SLC71A2: variants seen among roughly 807,000 people sequenced by gnomAD.
SLC71A2 encodes hippocampus abundant transcript-like 1.
At chr9:94,411,082 T>C in the SLC71A2 span, among the ~76,000 whole-genome samples, 2 of 152,066 alleles carry the variant, frequency 1.3e-5, no homozygotes, top group African/African-American at 4.8e-5. Context: ...TCTTAGGATA[T>C]GGCAGGACAG....
At chr9:94,420,269 C>G in the SLC71A2 span, among the ~76,000 whole-genome samples, 1 of 152,274 alleles carries the variant, frequency 6.6e-6, no homozygotes, top group African/African-American at 2.4e-5. Flanking sequence ...CGTGTTTGCC[C>G]CATTAACTTG....
At chr9:94,430,616 A>T in the SLC71A2 span, among the ~76,000 whole-genome samples, 1 of 152,176 alleles carries the variant, frequency 6.6e-6, no homozygotes, top group Non-Finnish European at 1.5e-5. Flanking sequence ...CAGCACTTCT[A>T]CCTGTGATGT....
the SLC71A2 span, chr9:94,447,085 A>C: frequency 8.5e-3 from 4,554 of 537,666 alleles, 169 homozygotes; most frequent in African/African-American, 0.078. Flanking sequence ...ATAATTAGTA[A>C]ACAGGGCACC....
At chr9:94,385,318 T>C in the SLC71A2 span, among the ~76,000 whole-genome samples, 3 of 152,354 alleles carry the variant, frequency 2.0e-5, no homozygotes, top group East Asian at 1.9e-4. Flanking sequence ...AAATGCATAC[T>C]ATGAAGCTTT....
chr9:94,454,099 C>A, the SLC71A2 span: 7 of 1,488,974 alleles, frequency 4.7e-6, no homozygotes, highest in South Asian at 7.9e-5. Context: ...TTCTCGTGAA[C>A]TGCCAGACAG....
At chr9:94,455,600 T>G in the SLC71A2 span, among the ~76,000 whole-genome samples, 1 of 152,170 alleles carries the variant, frequency 6.6e-6, no homozygotes, top group African/African-American at 2.4e-5. Flanking sequence ...CAGTAGCTGA[T>G]TTAGTCACAT....
At chr9:94,454,597 C>G in the SLC71A2 span, among the ~76,000 whole-genome samples, 5 of 150,606 alleles carry the variant, frequency 3.3e-5, no homozygotes, top group East Asian at 7.7e-4. Context: ...AACTCCTGAC[C>G]TTGTGATCTG....
chr9:94,398,525 A>C, the SLC71A2 span, among the ~76,000 whole-genome samples: 4 of 152,212 alleles, frequency 2.6e-5, no homozygotes, highest in African/African-American at 9.6e-5. Flanking sequence ...GCCTCAGTAC[A>C]TTTACTTAAT....
chr9:94,418,225 A>AT, the SLC71A2 span, among the ~76,000 whole-genome samples: 3 of 151,222 alleles, frequency 2.0e-5, no homozygotes, highest in Non-Finnish European at 4.4e-5. Context: ...ATTTATTTTT[A>AT]TTTTTTTGCC....
chr9:94,414,177 GTTCT>G, the SLC71A2 span, among the ~76,000 whole-genome samples: 5 of 152,196 alleles, frequency 3.3e-5, no homozygotes, highest in African/African-American at 7.2e-5. Flanking sequence ...TGTTTTTGCA[GTTCT>G]TTGTTTTCTC....
chr9:94,458,227 T>G, the SLC71A2 span: 2 of 1,068,782 alleles, frequency 1.9e-6, no homozygotes, highest in South Asian at 1.7e-5. Context: ...TCTTGCCGAA[T>G]TAGTGTATCA....
the SLC71A2 span, among the ~76,000 whole-genome samples, chr9:94,427,782 T>A: frequency 1.4e-5 from 2 of 146,926 alleles, no homozygotes; most frequent in Non-Finnish European, 1.5e-5. Context: ...TCTGATCTGA[T>A]AGAGTATAGA....
At chr9:94,412,442 A>G in the SLC71A2 span, among the ~76,000 whole-genome samples, 2 of 152,212 alleles carry the variant, frequency 1.3e-5, no homozygotes. Flanking sequence ...TGCTAATAAA[A>G]GGATATTAAT....
chr9:94,459,255 C>T, the SLC71A2 span: 3 of 1,613,978 alleles, frequency 1.9e-6, no homozygotes, highest in Admixed American at 3.3e-5. Context: ...TACAGTAAAG[C>T]CAGTGGAGTT....
chr9:94,426,422 T>G, the SLC71A2 span, among the ~76,000 whole-genome samples: 1 of 152,340 alleles, frequency 6.6e-6, no homozygotes, highest in East Asian at 1.9e-4. Context: ...GAAAATGAAC[T>G]TCTTCAAGGT....
chr9:94,454,085 T>TA, the SLC71A2 span: 1 of 1,567,736 alleles, frequency 6.4e-7, no homozygotes, highest in Non-Finnish European at 8.8e-7. Flanking sequence ...GCCTCACTCT[T>TA]AGATTCTCGT....
chr9:94,453,860 GGT>G, the SLC71A2 span: 1 of 794,930 alleles, frequency 1.3e-6, no homozygotes, highest in East Asian at 2.5e-5. Flanking sequence ...TGCCCTTAGA[GGT>G]CTCTGGTCAT....
chr9:94,450,507 T>TTTTTTTTTTTTTTTTTTTTTC, the SLC71A2 span, among the ~76,000 whole-genome samples: 605 of 137,178 alleles, frequency 4.4e-3, 58 homozygotes, highest in Middle Eastern at 0.021. Flanking sequence ...TTTTTTTTTT[T>TTTTTTTTTTTTTTTTTTTTTC]GAGATGGAGT....
the SLC71A2 span, among the ~76,000 whole-genome samples, chr9:94,407,964 A>G: frequency 3.3e-5 from 5 of 152,186 alleles, no homozygotes; most frequent in African/African-American, 4.8e-5. Flanking sequence ...TCAGTCAGCC[A>G]TCAGTTATCG....
Sources: gnomAD v4.1 joint callset for allele counts (sites outside exome capture counted in the v4.1 genomes callset) on GRCh38, gnomAD v4.1.1 for gene constraint, MANE v1.5 for transcripts, NCBI Gene and HGNC (gene_info 2026-07-23, HGNC 2026-07-21) for gene names.